SAMD12: variants seen among roughly 807,000 people sequenced by gnomAD.
SAMD12 encodes the protein sterile alpha motif domain containing 12.
SAMD12 carries 9 observed loss-of-function variants against 15.0 expected under a neutral mutation model. The observed-to-expected ratio is 0.60, with a 90% CI of 0.36 to 1.05. The LOEUF is 1.05. SAMD12 is among the 50% of genes least tolerant of loss of function. SAMD12 has a pLI of 0.01. For missense variants in SAMD12, 230 were observed against 234.2 expected, an observed-to-expected ratio of 0.98 and a Z score of 0.12; for synonymous variants, 86 against 90.1, an observed-to-expected ratio of 0.96 and a Z score of 0.25.
chr8:118,334,481 CT>C (rs906970620), intron 4 of SAMD12, among the ~76,000 whole-genome samples: 8 of 152,172 alleles, frequency 5.3e-5, no homozygotes, highest in Non-Finnish European at 1.0e-4. Flanking sequence ...TTCCTTCCCC[CT>C]CTCCTCCCTT....
chr8:118,612,299 A>G (rs560718830), intron 1 of SAMD12, among the ~76,000 whole-genome samples: 1 of 152,314 alleles, frequency 6.6e-6, no homozygotes, highest in Admixed American at 6.5e-5. Flanking sequence ...CTACAACAGC[A>G]AAATCACAAA....
rs190673092 is a variant in SAMD12 at position 118,452,320 on chromosome 8, T to C, written c.193-12359A>G. ...ACTGTTCAATTCAGACAAAACAGTCTGGCAATCTAAGATTGACAGAGCTTT... is the reference window on the plus strand; with the variant it reads ...ACTGTTCAATTCAGACAAAACAGTCCGGCAATCTAAGATTGACAGAGCTTT... On this transcript the variant is annotated intron_variant, in intron 2 of 3. Transcript: ENST00000314727. Among the ~76,000 whole-genome samples the C allele has an allele frequency of 2.8e-4, 43 of 152,316 alleles. No individual in the cohort carries two copies. In the East Asian group the frequency reaches 7.3e-3, roughly 26 times the overall value.
chr8:118,488,389 A>G (rs948408280), intron 2 of SAMD12, among the ~76,000 whole-genome samples: 5 of 152,194 alleles, frequency 3.3e-5, no homozygotes, highest in African/African-American at 1.2e-4. Flanking sequence ...TGAGGTATGA[A>G]AACAGGAAGG....
chr8:118,549,870 A>G (rs1041007791), intron 2 of SAMD12, among the ~76,000 whole-genome samples: 1 of 152,246 alleles, frequency 6.6e-6, no homozygotes, highest in African/African-American at 2.4e-5. Context: ...CTCCAGAACT[A>G]CATGAAGAAT....
chr8:118,584,263 T>C (rs1239071209), intron 1 of SAMD12, among the ~76,000 whole-genome samples: 1 of 152,220 alleles, frequency 6.6e-6, no homozygotes, highest in South Asian at 2.1e-4. Context: ...TGATAGACTT[T>C]GCTTTGTTTT....
At chr8:118,588,221 G>A (rs1227326104) in intron 1 of SAMD12, among the ~76,000 whole-genome samples, 1 of 152,090 alleles carries the variant, frequency 6.6e-6, no homozygotes, top group Admixed American at 6.6e-5. Context: ...CTGTGTGTCT[G>A]GTCATTAATG....
At chr8:118,246,179 T>A (rs1586381218) in intron 4 of SAMD12, among the ~76,000 whole-genome samples, 1 of 151,302 alleles carries the variant, frequency 6.6e-6, no homozygotes, top group Non-Finnish European at 1.5e-5. Context: ...AACAGGAGAG[T>A]TGTCAGTGGC....
At chr8:118,144,437 C>G in the SAMD12 span, among the ~76,000 whole-genome samples, 1 of 152,148 alleles carries the variant, frequency 6.6e-6, no homozygotes, top group Non-Finnish European at 1.5e-5. Context: ...GTTTCACTCA[C>G]TGCTGCTCCC....
chr8:118,469,718 A>G (rs1313139017), intron 2 of SAMD12, among the ~76,000 whole-genome samples: 1 of 147,320 alleles, frequency 6.8e-6, no homozygotes, highest in Non-Finnish European at 1.5e-5. Context: ...GCGTGCCACC[A>G]CGCCTGGCTA....
chr8:118,612,912 A>T (rs919739150), intron 1 of SAMD12, among the ~76,000 whole-genome samples: 1 of 152,246 alleles, frequency 6.6e-6, no homozygotes, highest in African/African-American at 2.4e-5. Context: ...AACATGGAGG[A>T]ATTTCAATGC....
chr8:118,269,878 C>T (rs996527531), intron 4 of SAMD12, among the ~76,000 whole-genome samples: 2 of 152,180 alleles, frequency 1.3e-5, no homozygotes, highest in Non-Finnish European at 2.9e-5. Flanking sequence ...ATCCAAGACT[C>T]ATCTCCACCC....
intron 4 of SAMD12, among the ~76,000 whole-genome samples, chr8:118,299,224 C>T (rs191620599): frequency 2.0e-5 from 3 of 152,254 alleles, no homozygotes; most frequent in Admixed American, 1.3e-4. Context: ...GTACCAGAGC[C>T]TGGGAGCTCA....
chr8:118,383,908 G>A (rs1288261074), intron 3 of SAMD12, among the ~76,000 whole-genome samples: 1 of 152,042 alleles, frequency 6.6e-6, no homozygotes, highest in African/African-American at 2.4e-5. Context: ...ATTCAGTGTG[G>A]GAGAAAGGTG....
intron 1 of SAMD12, chr8:118,621,411 G>A (rs972227734): frequency 2.1e-5 from 6 of 286,364 alleles, no homozygotes; most frequent in Admixed American, 4.6e-5. Context: ...CACGTGAGGG[G>A]GGCCAACCAA....
At chr8:118,544,943 G>A (rs2131159714) in intron 2 of SAMD12, among the ~76,000 whole-genome samples, 1 of 152,300 alleles carries the variant, frequency 6.6e-6, no homozygotes, top group African/African-American at 2.4e-5. Flanking sequence ...AAAAGGCAAA[G>A]TAGTGACTGG....
chr8:118,337,749 T>A (rs575416686), intron 4 of SAMD12, among the ~76,000 whole-genome samples: 1 of 152,290 alleles, frequency 6.6e-6, no homozygotes, highest in South Asian at 2.1e-4. Flanking sequence ...CTTATTTTAC[T>A]TAGTAATTGA....
intron 3 of SAMD12, among the ~76,000 whole-genome samples, chr8:118,432,366 C>A (rs1010914720): frequency 2.6e-5 from 4 of 152,054 alleles, no homozygotes; most frequent in Non-Finnish European, 4.4e-5. Context: ...TGGGAGGAGG[C>A]ATTTGGGGAT....
At chr8:118,269,232 G>C (rs771706622) in intron 4 of SAMD12, among the ~76,000 whole-genome samples, 7,010 of 146,062 alleles carry the variant, frequency 0.048, 296 homozygotes, top group African/African-American at 0.12. Context: ...GTGTGTGTGT[G>C]TGTGTGTGTG....
chr8:118,141,934 G>A, the SAMD12 span, among the ~76,000 whole-genome samples: 16 of 152,258 alleles, frequency 1.1e-4, no homozygotes, highest in African/African-American at 3.9e-4. Flanking sequence ...TTGGAAGATG[G>A]CCTCTCCCTG....
Sources: allele counts gnomAD v4.1 joint callset (sites outside exome capture counted in the v4.1 genomes callset), GRCh38; gene constraint gnomAD v4.1.1; transcripts MANE v1.5; gene names NCBI Gene and HGNC (gene_info 2026-07-23, HGNC 2026-07-21).